The following KLHL13 variants were observed in gnomAD, a reference collection of about 807,000 sequenced individuals.
The protein encoded by KLHL13 is kelch-like protein 13.
A neutral mutation model predicts 37.1 loss-of-function variants in KLHL13; 10 were observed. That is an observed-to-expected ratio of 0.27 (90% CI 0.17 to 0.46). The LOEUF (loss-of-function observed/expected upper bound fraction) is 0.46, where lower values mean the gene tolerates loss of function less well. Ranked by LOEUF, KLHL13 falls within the 20% of genes least tolerant of loss-of-function variation. KLHL13 has a pLI of 1.00. For missense variants in KLHL13, 360 were observed against 509.3 expected (o/e 0.71, Z 2.82); for synonymous variants, 163 against 181.2 (o/e 0.90, Z 0.81).
At chrX:118,099,001 C>T (rs1407188370) in intron 1 of KLHL13, among the ~76,000 whole-genome samples, 1 of 97,178 alleles carries the variant, frequency 1.0e-5, no homozygotes, top group Non-Finnish European at 2.1e-5. Context: ...GGAGAGATAC[C>T]TAATGCTAAA....
exon 3 of KLHL13, chrX:117,920,276 A>T: frequency 6.6e-6 from 8 of 1,209,239 alleles, no homozygotes; most frequent in Non-Finnish European, 9.0e-6. Context: ...AGCAGATGCC[A>T]TCATGACTCT....
chrX:117,912,579 G>A (rs1446087328), intron 4 of KLHL13, among the ~76,000 whole-genome samples: 3 of 111,894 alleles, frequency 2.7e-5, no homozygotes, highest in African/African-American at 6.5e-5. Context: ...ATATCAATAC[G>A]TTCATATATA....
intron 1 of KLHL13, among the ~76,000 whole-genome samples, chrX:118,019,176 A>C: frequency 9.0e-6 from 1 of 110,746 alleles, no homozygotes; most frequent in Non-Finnish European, 1.9e-5. Context: ...CTAACTGCAA[A>C]TTTTCATGCT....
intron 1 of KLHL13, among the ~76,000 whole-genome samples, chrX:117,968,678 T>C (rs187800007): frequency 2.8e-4 from 31 of 112,107 alleles, no homozygotes; most frequent in Admixed American, 2.7e-3. Context: ...ATTTAATAAG[T>C]ATTTTGCTAG....
intron 1 of KLHL13, among the ~76,000 whole-genome samples, chrX:117,950,193 G>A (rs751211309): frequency 2.7e-5 from 3 of 112,694 alleles, no homozygotes; most frequent in Non-Finnish European, 3.7e-5. Flanking sequence ...CAGGCTGGGC[G>A]TGGTGGCTCA....
intron 1 of KLHL13, among the ~76,000 whole-genome samples, chrX:118,010,653 G>C (rs1410099972): frequency 3.3e-5 from 3 of 92,270 alleles, no homozygotes; most frequent in Non-Finnish European, 6.5e-5. Context: ...TGACGAGTTA[G>C]TGGGTGCAGC....
chrX:118,057,053 G>A (rs2054692825), intron 1 of KLHL13, among the ~76,000 whole-genome samples: 1 of 111,517 alleles, frequency 9.0e-6, no homozygotes, highest in African/African-American at 3.3e-5. Flanking sequence ...ATCTTTAAAG[G>A]TAATCACAGC....
At chrX:117,967,772 C>A (rs992057621) in intron 1 of KLHL13, among the ~76,000 whole-genome samples, 1 of 111,473 alleles carries the variant, frequency 9.0e-6, no homozygotes, top group African/African-American at 3.3e-5. Context: ...GGCTTTAAAA[C>A]AAAATGTTAA....
intron 6 of KLHL13, among the ~76,000 whole-genome samples, chrX:117,901,325 C>A (rs1284490684): frequency 6.3e-5 from 7 of 110,901 alleles, no homozygotes; most frequent in Non-Finnish European, 1.3e-4. Context: ...GAATACAGAG[C>A]ATGGGGACTG....
chrX:117,994,840 A>T (rs941269941), intron 1 of KLHL13, among the ~76,000 whole-genome samples: 7 of 111,660 alleles, frequency 6.3e-5, no homozygotes, highest in Admixed American at 1.9e-4. Flanking sequence ...GGGAAGCTGA[A>T]GTGGGAAGAG....
chrX:118,004,346 A>G (rs1569287896), intron 1 of KLHL13, among the ~76,000 whole-genome samples: 1 of 112,106 alleles, frequency 8.9e-6, no homozygotes, highest in Non-Finnish European at 1.9e-5. Context: ...ATACTGGAAT[A>G]GCAATGAGCA....
chrX:117,982,846 G>C (rs1048137760), intron 1 of KLHL13, among the ~76,000 whole-genome samples: 29 of 111,448 alleles, frequency 2.6e-4, no homozygotes, highest in Non-Finnish European at 4.0e-4. Context: ...CTTAGCATAT[G>C]AACACTGGCT....
At chrX:118,013,353 A>C (rs941648413) in intron 1 of KLHL13, among the ~76,000 whole-genome samples, 2 of 112,019 alleles carry the variant, frequency 1.8e-5, no homozygotes, top group African/African-American at 6.5e-5. Flanking sequence ...CCACATAAAG[A>C]CCATGAACAA....
chrX:118,116,951 C>T (rs1376731686), upstream of KLHL13: 1 of 109,947 alleles, frequency 9.1e-6, no homozygotes, highest in Admixed American at 9.5e-5. Context: ...GGCGGGGAGC[C>T]GGGGCTAGGA....
chrX:117,969,979 T>C (rs904974992), intron 1 of KLHL13, among the ~76,000 whole-genome samples: 7 of 111,846 alleles, frequency 6.3e-5, no homozygotes, highest in South Asian at 3.7e-4. Context: ...TGCTCGATGT[T>C]TGCAGTAAGT....
At chrX:118,085,351 C>T (rs751491199) in intron 1 of KLHL13, among the ~76,000 whole-genome samples, 1 of 110,683 alleles carries the variant, frequency 9.0e-6, no homozygotes, top group African/African-American at 3.3e-5. Context: ...AAACAGAAAG[C>T]AGAATCATAA....
chrX:117,930,290 A>AGGCAGGC (rs1395702430), intron 2 of KLHL13, among the ~76,000 whole-genome samples: 16 of 77,964 alleles, frequency 2.1e-4, no homozygotes, highest in African/African-American at 9.1e-4. Context: ...GGAAGGAAGG[A>AGGCAGGC]AGGCAGGCAG....
intron 1 of KLHL13, among the ~76,000 whole-genome samples, chrX:117,996,663 T>A (rs1170909667): frequency 9.0e-6 from 1 of 110,978 alleles, no homozygotes; most frequent in African/African-American, 3.3e-5. Context: ...TTCAGTAGTA[T>A]CTAAGAAATG....
chrX:117,945,046 T>C (rs963438885), intron 2 of KLHL13, among the ~76,000 whole-genome samples: 29 of 111,655 alleles, frequency 2.6e-4, no homozygotes, highest in Non-Finnish European at 3.8e-5. Context: ...AAATTCAGTG[T>C]AGGGACCTTG....
Sources: gnomAD v4.1 joint callset for allele counts (sites outside exome capture counted in the v4.1 genomes callset) on GRCh38, gnomAD v4.1.1 for gene constraint, MANE v1.5 for transcripts, NCBI Gene and HGNC (gene_info 2026-07-23, HGNC 2026-07-21) for gene names.